The following SPON1 variants were observed in gnomAD, a reference collection of about 807,000 sequenced individuals.
The protein encoded by SPON1 is spondin-1.
In SPON1, 52 loss-of-function variants were observed where a neutral mutation model predicts 111.7. The ratio of observed to expected loss-of-function variants is 0.47; its 90% CI spans 0.37 to 0.59. The LOEUF (loss-of-function observed/expected upper bound fraction) is 0.59. Ranked by LOEUF, SPON1 falls within the 20% of genes least tolerant of loss-of-function variation. The probability of loss-of-function intolerance (pLI) is 0.00; values close to 1 mark genes in which losing one functional copy is unlikely to be tolerated. For synonymous variants in SPON1, 410 were observed against 395.8 expected (o/e 1.04, Z -0.43); for missense variants, 957 against 1,068.5 (o/e 0.90, Z 1.46).
chr11:13,962,886 A>G lies in SPON1; in HGVS notation c.-19A>G. On this transcript the variant is annotated 5_prime_UTR_variant, in exon 1 of 16. Coordinates refer to ENST00000576479, the MANE Select transcript of SPON1 (RefSeq NM_006108.4). ...TGGCGAAGGCCTGCGGCCGCGGCACAAAGTTGGGGGCCGCGAAGATGAGGC... is the reference window on the plus strand; with the variant it reads ...TGGCGAAGGCCTGCGGCCGCGGCACGAAGTTGGGGGCCGCGAAGATGAGGC... 1 of 1,464,402 alleles carries G rather than the reference A, an allele frequency of 6.8e-7. No homozygotes were observed. Among genetic ancestry groups the G allele is most frequent in the Non-Finnish European group, 9.0e-7 (1 of 1,113,534 alleles). 90.7% of individuals were successfully genotyped at this position (1,464,402 alleles called of 1,614,324 possible).
chr11:14,139,642 G>C (rs1847629581), intron 6 of SPON1, among the ~76,000 whole-genome samples: 2 of 151,806 alleles, frequency 1.3e-5, no homozygotes, highest in Non-Finnish European at 2.9e-5. Context: ...AGATGCAGCA[G>C]TAATTAAGAA....
chr11:13,996,811 G>A (rs1323608669), intron 2 of SPON1, among the ~76,000 whole-genome samples: 2 of 151,974 alleles, frequency 1.3e-5, no homozygotes, highest in Admixed American at 6.6e-5. Flanking sequence ...ATTTTTATGG[G>A]AACATTATAT....
chr11:14,094,974 A>T (rs80247472), intron 5 of SPON1, among the ~76,000 whole-genome samples: 1 of 152,236 alleles, frequency 6.6e-6, no homozygotes, highest in East Asian at 1.9e-4. Context: ...AGATTCTGTC[A>T]TGAACTGGAT....
At chr11:14,033,742 A>G (rs1441582493) in intron 2 of SPON1, among the ~76,000 whole-genome samples, 1 of 152,204 alleles carries the variant, frequency 6.6e-6, no homozygotes, top group Non-Finnish European at 1.5e-5. Context: ...ATGACCAGAT[A>G]CCCAACCAGT....
At chr11:14,128,423 C>T (rs1847487835) in intron 5 of SPON1, among the ~76,000 whole-genome samples, 1 of 152,222 alleles carries the variant, frequency 6.6e-6, no homozygotes, top group African/African-American at 2.4e-5. Flanking sequence ...CCAAAATAAT[C>T]TCCTTTGACT....
intron 6 of SPON1, among the ~76,000 whole-genome samples, chr11:14,160,420 T>C (rs1394884066): frequency 2.5e-5 from 1 of 39,762 alleles, no homozygotes; most frequent in Non-Finnish European, 3.9e-5. Context: ...TATATATTTA[T>C]ATATATATAT....
chr11:14,001,190 G>C (rs1413970098), intron 2 of SPON1, among the ~76,000 whole-genome samples: 1 of 152,174 alleles, frequency 6.6e-6, no homozygotes, highest in South Asian at 2.1e-4. Context: ...ACAGTAAATG[G>C]TAGGAGGACT....
chr11:14,144,633 C>CTAATAATAA (rs782316295), intron 6 of SPON1, among the ~76,000 whole-genome samples: 25,644 of 123,828 alleles, frequency 0.21, 2,644 homozygotes, highest in East Asian at 0.29. Context: ...GACTCCATCT[C>CTAATAATAA]CAATAATAAT....
At chr11:14,206,082 T>C (rs925291205) in intron 6 of SPON1, among the ~76,000 whole-genome samples, 1 of 152,180 alleles carries the variant, frequency 6.6e-6, no homozygotes, top group Non-Finnish European at 1.5e-5. Flanking sequence ...TGCCTATTTT[T>C]ATATATACTT....
chr11:14,244,930 C>G (rs1278006064), intron 7 of SPON1, among the ~76,000 whole-genome samples: 1 of 152,200 alleles, frequency 6.6e-6, no homozygotes, highest in Non-Finnish European at 1.5e-5. Flanking sequence ...ACCCCGAATC[C>G]TGGGCAGTTC....
intron 6 of SPON1, among the ~76,000 whole-genome samples, chr11:14,147,549 C>T (rs569495236): frequency 3.2e-4 from 48 of 152,190 alleles, no homozygotes; most frequent in African/African-American, 1.1e-3. Context: ...TCCCAAGTAG[C>T]TTGGATTACA....
intron 5 of SPON1, among the ~76,000 whole-genome samples, chr11:14,090,189 A>C (rs1849038221): frequency 1.7e-5 from 2 of 120,326 alleles, no homozygotes; most frequent in African/African-American, 6.6e-5. Context: ...TCCAGGCACC[A>C]CTAGGGTATG....
rs1409234692 is a variant in SPON1, at chr11:14,259,245, G to A, written c.1493-35G>A. 7.7e-6 allele frequency: 12 copies of A among 1,563,792 alleles called. No homozygotes were observed. Among genetic ancestry groups the A allele is most frequent in the African/African-American group, 1.4e-5 (1 of 73,888 alleles). Reference sequence around the variant, plus strand: ...CAGCCTGGCAGGCGCCCCTGCCACCGTGCACTGCTGCAGCGTTCACTCGGT... The same window carrying A: ...CAGCCTGGCAGGCGCCCCTGCCACCATGCACTGCTGCAGCGTTCACTCGGT... On this transcript the variant is annotated intron_variant, in intron 11 of 15. Transcript: ENST00000576479. The surrounding 1 kb of genome is among the most constrained non-coding windows in gnomAD (Gnocchi z 5.0).
At chr11:14,016,629 T>C (rs1848446144) in intron 2 of SPON1, among the ~76,000 whole-genome samples, 1 of 152,126 alleles carries the variant, frequency 6.6e-6, no homozygotes, top group East Asian at 1.9e-4. Flanking sequence ...AAAAAAGAAA[T>C]ATATACCCAA....
chr11:14,147,689 T>C (rs1019900662), intron 6 of SPON1, among the ~76,000 whole-genome samples: 1 of 151,934 alleles, frequency 6.6e-6, no homozygotes, highest in Non-Finnish European at 1.5e-5. Flanking sequence ...AGTGCTGGTA[T>C]TATAGGCATG....
At chr11:14,016,699 A>T (rs1483805660) in intron 2 of SPON1, among the ~76,000 whole-genome samples, 1 of 152,252 alleles carries the variant, frequency 6.6e-6, no homozygotes, top group Non-Finnish European at 1.5e-5. Flanking sequence ...TTAATACTTT[A>T]AAAATGGAAT....
chr11:14,125,831 C>A (rs1847453334), intron 5 of SPON1, among the ~76,000 whole-genome samples: 2 of 152,068 alleles, frequency 1.3e-5, no homozygotes, highest in African/African-American at 2.4e-5. Context: ...GCTGAGAAGT[C>A]CCAAGACAAT....
chr11:14,034,645 G>T (rs1023833306), intron 2 of SPON1, among the ~76,000 whole-genome samples: 1 of 152,168 alleles, frequency 6.6e-6, no homozygotes, highest in Non-Finnish European at 1.5e-5. Context: ...TGGGCCAAGG[G>T]TCTTAGTCTT....
chr11:14,097,348 G>C (rs1437584405), intron 5 of SPON1, among the ~76,000 whole-genome samples: 1 of 152,196 alleles, frequency 6.6e-6, no homozygotes, highest in Non-Finnish European at 1.5e-5. Flanking sequence ...GAGACTTGAA[G>C]AGATTTTAAT....
Sources: allele counts gnomAD v4.1 joint callset (sites outside exome capture counted in the v4.1 genomes callset), GRCh38; gene constraint gnomAD v4.1.1; non-coding constraint Gnocchi (gnomAD v3.1); transcripts MANE v1.5; gene names NCBI Gene and HGNC (gene_info 2026-07-23, HGNC 2026-07-21).